WDR70: variants seen among roughly 807,000 people sequenced by gnomAD.
WDR70 encodes WD repeat domain 70.
A neutral mutation model predicts 88.6 loss-of-function variants in WDR70; 53 were observed. That is an observed-to-expected ratio of 0.60 (90% CI 0.48 to 0.75). WDR70 has a LOEUF of 0.75. Among genes scored for constraint, WDR70 ranks in the 30% least tolerant of loss-of-function variants. The probability of loss-of-function intolerance (pLI) is 0.00; values close to 1 mark genes in which losing one functional copy is unlikely to be tolerated. For synonymous variants in WDR70, 280 were observed against 270.0 expected (o/e 1.04, Z -0.36); for missense variants, 610 against 823.2 (o/e 0.74, Z 3.17).
In WDR70 at chr5:37,459,258, A is replaced by G. The variant is rs1159262125; in HGVS notation, c.686+15886A>G. 1.1e-4 allele frequency among the ~76,000 whole-genome samples: 9 copies of G among 85,264 alleles called. No individual in the cohort carries two copies. In the South Asian group the frequency reaches 3.0e-3, roughly 29 times the overall value. The allele number at this position is 85,264 out of a possible 152,430, so 55.9% of individuals were successfully genotyped here. ...AGCTTTACTTCCAACTATGTGGTCAATTTTGGAATAGGTGTGGTGTGGTGC... is the reference window on the plus strand; with the variant it reads ...AGCTTTACTTCCAACTATGTGGTCAGTTTTGGAATAGGTGTGGTGTGGTGC... On this transcript the variant is annotated intron_variant, in intron 7 of 17. Coordinates refer to ENST00000265107, the MANE Select transcript of WDR70 (RefSeq NM_018034.4).
At position 37,462,461 on chromosome 5, in the gene WDR70, C is replaced by T. The variant is rs1276100700; in HGVS notation, c.687-17373C>T. On this transcript the variant is annotated intron_variant, in intron 7 of 17. Coordinates refer to ENST00000265107, the MANE Select transcript of WDR70 (RefSeq NM_018034.4). Reference sequence around the variant, plus strand: ...GGGACTACAGGCGCCTGCCATGACGCCTGGCTAATTTTTTGTATTTTCAGT... The same window carrying T: ...GGGACTACAGGCGCCTGCCATGACGTCTGGCTAATTTTTTGTATTTTCAGT... Among the ~76,000 whole-genome samples, 4 of 152,198 alleles carry T rather than the reference C, an allele frequency of 2.6e-5. No individual in the cohort carries two copies. In the East Asian group the frequency reaches 7.7e-4, roughly 29 times the overall value.
At chr5:37,522,496 G>T (rs571587925) in intron 9 of WDR70, among the ~76,000 whole-genome samples, 2 of 149,474 alleles carry the variant, frequency 1.3e-5, no homozygotes, top group African/African-American at 4.9e-5. Flanking sequence ...AAAAAAAAAG[G>T]TGGCAGTTCC....
At chr5:37,484,144 A>C (rs1739775155) in intron 8 of WDR70, among the ~76,000 whole-genome samples, 1 of 152,180 alleles carries the variant, frequency 6.6e-6, no homozygotes. Context: ...CTTACTTCCC[A>C]GACGGGGTGG....
chr5:37,544,825 G>T lies in WDR70; in HGVS notation c.917+28235G>T, dbSNP rs1741938101. On this transcript the variant is annotated intron_variant, in intron 9 of 17. Transcript: ENST00000265107. ...GCATCTGTTATATAGAGCAGATGTG[G>T]GTCATGTTGGATCTCATAAGCTTTT... Among the ~76,000 whole-genome samples the T allele has an allele frequency of 4.6e-5, 7 of 152,232 alleles. No homozygotes were observed. The South Asian group carries it at 1.5e-3, about 32-fold the overall frequency.
At chr5:37,709,093 A>C (rs954706835) in intron 13 of WDR70, among the ~76,000 whole-genome samples, 1 of 152,356 alleles carries the variant, frequency 6.6e-6, no homozygotes, top group East Asian at 1.9e-4. Flanking sequence ...AGCTATCAGC[A>C]CTGCAAATGC....
chr5:37,426,594 T>C (rs1347754418), intron 5 of WDR70, among the ~76,000 whole-genome samples: 1 of 152,208 alleles, frequency 6.6e-6, no homozygotes, highest in Non-Finnish European at 1.5e-5. Context: ...GCTGGAAGGC[T>C]GGCTCCGTTG....
intron 10 of WDR70, among the ~76,000 whole-genome samples, chr5:37,650,423 G>C (rs1312485434): frequency 6.6e-6 from 1 of 151,980 alleles, no homozygotes; most frequent in East Asian, 1.9e-4. Flanking sequence ...GAAAGAAAAA[G>C]AAAGTATTGG....
intron 7 of WDR70, among the ~76,000 whole-genome samples, chr5:37,466,836 C>T (rs1376421778): frequency 2.0e-5 from 3 of 151,664 alleles, no homozygotes; most frequent in African/African-American, 7.3e-5. Context: ...AACATTTCCT[C>T]GTCATGTAAA....
intron 13 of WDR70, among the ~76,000 whole-genome samples, chr5:37,706,065 A>G (rs1219782265): frequency 6.6e-6 from 1 of 152,262 alleles, no homozygotes; most frequent in Admixed American, 6.5e-5. Flanking sequence ...ACTAAAAACT[A>G]TCTTCACAAA....
intron 9 of WDR70, among the ~76,000 whole-genome samples, chr5:37,517,152 A>G (rs569212838): frequency 2.0e-5 from 3 of 152,330 alleles, no homozygotes; most frequent in African/African-American, 7.2e-5. Flanking sequence ...GATTGATGCT[A>G]TTAAGTGGAC....
At chr5:37,432,685 C>T (rs7727356) in intron 5 of WDR70, among the ~76,000 whole-genome samples, 8,189 of 151,850 alleles carry the variant, frequency 0.054, 709 homozygotes, top group African/African-American at 0.18. Flanking sequence ...CATGAGCCAC[C>T]GCGCCCGGCC....
chr5:37,413,944 G>A (rs1581259047), intron 5 of WDR70, among the ~76,000 whole-genome samples: 1 of 151,694 alleles, frequency 6.6e-6, no homozygotes, highest in Non-Finnish European at 1.5e-5. Flanking sequence ...TTGGTAGTTC[G>A]AGACCAGCCT....
intron 5 of WDR70, among the ~76,000 whole-genome samples, chr5:37,399,940 C>T (rs760811315): frequency 3.4e-4 from 52 of 151,774 alleles, no homozygotes; most frequent in Non-Finnish European, 6.0e-4. Context: ...TTTATTTATT[C>T]ATTTATTTTT....
In WDR70 at chr5:37,500,996, C is replaced by T. The variant is rs142652643; in HGVS notation, c.841-15518C>T. 4.1e-3 allele frequency among the ~76,000 whole-genome samples: 631 copies of T among 152,222 alleles called. 27 individuals are homozygous for T. The East Asian group carries it at 0.092, about 22-fold the overall frequency. On this transcript the variant is annotated intron_variant, in intron 8 of 17. Transcript: ENST00000265107. The stretch of plus-strand genomic sequence containing the variant: ...TCAGGTGATCAGCCCGCCTTGGCCT[C>T]CCAAAGTGCTGGGATTACAGGCGTG...
chr5:37,424,064 G>A (rs962213293), intron 5 of WDR70, among the ~76,000 whole-genome samples: 4 of 143,026 alleles, frequency 2.8e-5, no homozygotes, highest in South Asian at 2.2e-4. Context: ...CAGGAGAATC[G>A]CTTGAACACG....
At chr5:37,616,129 T>C (rs1199442377) in intron 10 of WDR70, among the ~76,000 whole-genome samples, 1 of 149,584 alleles carries the variant, frequency 6.7e-6, no homozygotes, top group East Asian at 1.9e-4. Flanking sequence ...ATCAAAACAC[T>C]TTTTTTTTTG....
chr5:37,533,008 G>A lies in WDR70; in HGVS notation c.917+16418G>A, dbSNP rs538852663. 8.5e-5 allele frequency among the ~76,000 whole-genome samples: 13 copies of A among 152,248 alleles called. No individual in the cohort carries two copies. In the South Asian group the frequency reaches 1.7e-3, roughly 19 times the overall value. The stretch of plus-strand genomic sequence containing the variant: ...CTAGGAATGAGGCTCCCTGAGAGCC[G>A]AACTGGAGTGATTGTTTTTGTTCTT... On this transcript the variant is annotated intron_variant, in intron 9 of 17. Coordinates refer to ENST00000265107, the MANE Select transcript of WDR70 (RefSeq NM_018034.4).
intron 3 of WDR70, among the ~76,000 whole-genome samples, chr5:37,387,980 A>T (rs564062714): frequency 2.3e-4 from 35 of 152,282 alleles, no homozygotes; most frequent in Non-Finnish European, 4.6e-4. Flanking sequence ...TAAGTGCACT[A>T]GTGGAAAGGA....
intron 17 of WDR70, among the ~76,000 whole-genome samples, chr5:37,732,218 G>A (rs920410162): frequency 2.6e-5 from 4 of 152,100 alleles, no homozygotes; most frequent in Non-Finnish European, 4.4e-5. Flanking sequence ...GAGAGAGAGA[G>A]ATATGTGTAG....
Sources: gnomAD v4.1 joint callset for allele counts (sites outside exome capture counted in the v4.1 genomes callset) on GRCh38, gnomAD v4.1.1 for gene constraint, MANE v1.5 for transcripts, NCBI Gene and HGNC (gene_info 2026-07-23, HGNC 2026-07-21) for gene names.